Variants in UBE4B observed in about 807,000 individuals in gnomAD.
UBE4B encodes ubiquitin conjugation factor E4 B.
In UBE4B, 27 loss-of-function variants were observed where a neutral mutation model predicts 148.1. The observed-to-expected ratio is 0.18, with a 90% CI of 0.13 to 0.25. The LOEUF is 0.25. UBE4B is among the 10% of genes least tolerant of loss of function. The pLI is 1.00. For missense variants in UBE4B, 1,170 were observed against 1,662.4 expected, an observed-to-expected ratio of 0.70 and a Z score of 5.15; for synonymous variants, 596 against 619.3, an observed-to-expected ratio of 0.96 and a Z score of 0.56.
In UBE4B at chr1:10,117,475, GGAGCAAGTAATT is replaced by G. The variant is rs1336416825; in HGVS notation, c.1215_1226del (p.Ala406_Trp409del). 4.3e-6 allele frequency: 7 copies of G among 1,609,784 alleles called. No homozygotes were observed. The highest frequency in any genetic ancestry group is 5.1e-6 in the Non-Finnish European group (6 of 1,179,018). On this transcript the variant is annotated inframe_deletion, in exon 8 of 28. Coordinates refer to ENST00000343090, the MANE Select transcript of UBE4B (RefSeq NM_001105562.3). ...TCTCTGAAGTTTGGGAGCCTCTGGT[GGAGCAAGTAATT>G]GGGATTCCTACAGTGACCATTTCAC... is the stretch of plus-strand genomic sequence containing the variant.
intron 1 of UBE4B, among the ~76,000 whole-genome samples, chr1:10,045,741 C>T (rs556121979): frequency 6.6e-6 from 1 of 152,120 alleles, no homozygotes; most frequent in Non-Finnish European, 1.5e-5. Flanking sequence ...GGGCCACCAA[C>T]TGGGGTTAGT....
chr1:10,097,052 A>AAAAAAAAATAAT (rs554089049), intron 3 of UBE4B, among the ~76,000 whole-genome samples: 1 of 138,510 alleles, frequency 7.2e-6, no homozygotes, highest in Non-Finnish European at 1.6e-5. Context: ...AAAAAAAAAA[A>AAAAAAAAATAAT]AATAATAATA....
At chr1:10,093,689 T>G (rs188113224) in intron 2 of UBE4B, among the ~76,000 whole-genome samples, 1 of 152,138 alleles carries the variant, frequency 6.6e-6, no homozygotes, top group African/African-American at 2.4e-5. Context: ...TCTTTTTTCA[T>G]ACTTTTTTTT....
At chr1:10,071,126 C>T (rs749583188) in intron 1 of UBE4B, among the ~76,000 whole-genome samples, 3 of 152,030 alleles carry the variant, frequency 2.0e-5, no homozygotes, top group Non-Finnish European at 2.9e-5. Context: ...AGGCTGTTCT[C>T]GAACTCCTGA....
At chr1:10,084,176 T>C (rs939010174) in intron 2 of UBE4B, among the ~76,000 whole-genome samples, 24 of 152,224 alleles carry the variant, frequency 1.6e-4, no homozygotes, top group African/African-American at 5.8e-4. Context: ...GCCTTTGTCA[T>C]GTGCCCAAGC....
chr1:10,104,896 A>G lies in UBE4B; in HGVS notation c.581-620A>G, dbSNP rs140736060. On this transcript the variant is annotated intron_variant, in intron 5 of 27. Transcript: ENST00000343090. ...TCAGATAAAATTTCCATGAGTTAAA[A>G]CTTTTGTTTAGTGGTATTTAAAATG... 5.3e-3 allele frequency among the ~76,000 whole-genome samples: 813 copies of G among 152,334 alleles called. 10 individuals are homozygous for G. Among genetic ancestry groups the G allele is most frequent in the African/African-American group, 0.018 (758 of 41,570 alleles).
intron 7 of UBE4B, among the ~76,000 whole-genome samples, chr1:10,114,156 G>T (rs1183395736): frequency 2.7e-5 from 4 of 150,402 alleles, no homozygotes; most frequent in African/African-American, 9.8e-5. Context: ...TCAAGAAATA[G>T]AGTTTCATAT....
At chr1:10,126,391 T>A (rs979129997) in intron 10 of UBE4B, among the ~76,000 whole-genome samples, 8 of 152,230 alleles carry the variant, frequency 5.3e-5, no homozygotes, top group African/African-American at 1.9e-4. Flanking sequence ...TTGAATTTTT[T>A]AACAGGTTAT....
At chr1:10,149,529 C>G (rs529876335) in intron 20 of UBE4B, among the ~76,000 whole-genome samples, 1 of 152,210 alleles carries the variant, frequency 6.6e-6, no homozygotes, top group East Asian at 1.9e-4. Flanking sequence ...AGTTGAATTT[C>G]TAATAGTTAA....
At chr1:10,069,862 A>G (rs1208247815) in intron 1 of UBE4B, among the ~76,000 whole-genome samples, 1 of 152,192 alleles carries the variant, frequency 6.6e-6, no homozygotes, top group Non-Finnish European at 1.5e-5. Context: ...CAGAAACTGA[A>G]GCAGAGAGCT....
At chr1:10,144,341 A>T (rs1304017946) in intron 17 of UBE4B, among the ~76,000 whole-genome samples, 2 of 152,358 alleles carry the variant, frequency 1.3e-5, no homozygotes, top group African/African-American at 4.8e-5. Context: ...CAGAAAAATA[A>T]GGGAACAATG....
At chr1:10,044,850 T>C (rs1643881218) in intron 1 of UBE4B, among the ~76,000 whole-genome samples, 1 of 152,200 alleles carries the variant, frequency 6.6e-6, no homozygotes, top group Admixed American at 6.5e-5. Flanking sequence ...CTCAAAGTGC[T>C]GGGATTACAG....
intron 25 of UBE4B, among the ~76,000 whole-genome samples, chr1:10,172,490 C>G (rs1057305349): frequency 6.6e-6 from 1 of 152,154 alleles, no homozygotes; most frequent in South Asian, 2.1e-4. Flanking sequence ...TCCAGGCAGC[C>G]TGGCCTTGAA....
chr1:10,159,104 A>C (rs1381747837), intron 22 of UBE4B, among the ~76,000 whole-genome samples: 1 of 152,130 alleles, frequency 6.6e-6, no homozygotes, highest in Non-Finnish European at 1.5e-5. Flanking sequence ...TGACAGTGTT[A>C]AATGAAGTTG....
Position 10,106,513 on chromosome 1 carries a change from G to T in UBE4B, c.1126G>T (p.Gly376Cys). The T allele has an allele frequency of 6.2e-7, 1 of 1,611,464 alleles. No homozygotes were observed. The change falls in exon 7 of 28, where the codon GGT becomes TGT. Residue 376 changes from glycine to cysteine, a missense_variant. Physicochemically the swap from Gly to Cys is radical, Grantham distance 159 (BLOSUM62 -3). Coordinates refer to ENST00000343090, the MANE Select transcript of UBE4B (RefSeq NM_001105562.3). This position sits in a 1 kb window ranked among gnomAD's most constrained non-coding sequence, Gnocchi z 4.2. ...TTCCAGACAGAGGCCCAGCAGCACGGGTCCACCCCTACCACCCGCCTCACC... is the reference window on the plus strand; with the variant it reads ...TTCCAGACAGAGGCCCAGCAGCACGTGTCCACCCCTACCACCCGCCTCACC... Reference protein sequence around the residue: ...SSSRQRPSSTGPPLPPASPSA... With the variant: ...SSSRQRPSSTCPPLPPASPSA...
At chr1:10,150,453 G>GTGA (rs1267194739) in intron 20 of UBE4B, among the ~76,000 whole-genome samples, 1 of 152,138 alleles carries the variant, frequency 6.6e-6, no homozygotes, top group African/African-American at 2.4e-5. Flanking sequence ...TGTTTTGGTA[G>GTGA]TGATGATCTT....
chr1:10,161,239 G>A lies in UBE4B; in HGVS notation c.3151G>A (p.Val1051Met), dbSNP rs1296558041. 6.2e-7 allele frequency: 1 copy of A among 1,614,172 alleles called. No homozygotes were observed. Among genetic ancestry groups the A allele is most frequent in the South Asian group, 1.1e-5 (1 of 91,084 alleles). ...SLESLKRIHEVQEEMKNKEQW... is the reference protein window; with the variant it reads ...SLESLKRIHEMQEEMKNKEQW... Reference sequence around the variant, plus strand: ...GGAGTCTCTGAAGCGAATCCATGAAGTGCAGGAAGAGATGAAGAACAAAGA... The same window carrying A: ...GGAGTCTCTGAAGCGAATCCATGAAATGCAGGAAGAGATGAAGAACAAAGA... Residue 1051 changes from valine to methionine, a missense_variant, in exon 23 of 28, where the codon GTG becomes ATG. Val to Met is a conservative substitution (Grantham distance 21). Coordinates refer to ENST00000343090, the MANE Select transcript of UBE4B (RefSeq NM_001105562.3). The surrounding 1 kb of genome is among the most constrained non-coding windows in gnomAD (Gnocchi z 4.1).
rs1314506301 is a variant in UBE4B at position 10,106,726 on chromosome 1, A to G, written c.1196+143A>G. On this transcript the variant is annotated intron_variant, in intron 7 of 27. Coordinates refer to ENST00000343090, the MANE Select transcript of UBE4B (RefSeq NM_001105562.3). The surrounding 1 kb of genome is among the most constrained non-coding windows in gnomAD (Gnocchi z 4.2). Reference sequence around the variant, plus strand: ...AACCTGTGTGGCTAACTAGTTTGGTAGGCACGTACTCTGAGTCCATGCTTC... The same window carrying G: ...AACCTGTGTGGCTAACTAGTTTGGTGGGCACGTACTCTGAGTCCATGCTTC... 1 of 1,149,770 alleles carries G rather than the reference A, an allele frequency of 8.7e-7. No individual in the cohort carries two copies. Among genetic ancestry groups the G allele is most frequent in the Non-Finnish European group, 1.2e-6 (1 of 855,482 alleles). 71.2% of individuals were successfully genotyped at this position (1,149,770 alleles called of 1,614,324 possible).
chr1:10,063,220 A>G lies in UBE4B; in HGVS notation c.25-8808A>G, dbSNP rs181659357. On this transcript the variant is annotated intron_variant, in intron 1 of 27. Coordinates refer to ENST00000343090, the MANE Select transcript of UBE4B (RefSeq NM_001105562.3). ...GAGGCAGAGGTTGCAGTGAGCTGAA[A>G]CCGTGCCTCTGCACTCCCGCCTGGG... 2.3e-3 allele frequency among the ~76,000 whole-genome samples: 344 copies of G among 152,220 alleles called. 2 individuals carry two copies. Among genetic ancestry groups the G allele is most frequent in the Non-Finnish European group, 4.0e-3 (272 of 68,006 alleles).
Sources: allele counts gnomAD v4.1 joint callset (sites outside exome capture counted in the v4.1 genomes callset), GRCh38; gene constraint gnomAD v4.1.1; non-coding constraint Gnocchi (gnomAD v3.1); transcripts MANE v1.5; gene names NCBI Gene and HGNC (gene_info 2026-07-23, HGNC 2026-07-21).